LUZP2: variants seen among roughly 807,000 people sequenced by gnomAD.
LUZP2 encodes leucine zipper protein 2.
Under a neutral mutation model 51.6 loss-of-function variants are expected in LUZP2, and 52 were observed. The ratio of observed to expected loss-of-function variants is 1.01; its 90% CI spans 0.81 to 1.27. The LOEUF (loss-of-function observed/expected upper bound fraction) is 1.27, where lower values mean the gene tolerates loss of function less well. Ranked by LOEUF, LUZP2 falls within the 50% of genes most tolerant of loss-of-function variation. LUZP2 has a pLI of 0.00. For missense variants in LUZP2, 436 were observed against 395.4 expected (o/e 1.10, Z -0.87); for synonymous variants, 154 against 137.3 (o/e 1.12, Z -0.85).
intron 1 of LUZP2, among the ~76,000 whole-genome samples, chr11:24,561,260 C>T (rs543476502): frequency 6.6e-6 from 1 of 152,074 alleles, no homozygotes; most frequent in African/African-American, 2.4e-5. Context: ...ATAATAATTG[C>T]AGGTATCATA....
At chr11:24,837,946 C>T (rs1464603027) in intron 5 of LUZP2, among the ~76,000 whole-genome samples, 1 of 151,626 alleles carries the variant, frequency 6.6e-6, no homozygotes, top group East Asian at 1.9e-4. Flanking sequence ...CAAATGGTTG[C>T]ATGATTATTC....
At chr11:24,668,511 T>C (rs1052272224) in intron 1 of LUZP2, among the ~76,000 whole-genome samples, 2 of 152,176 alleles carry the variant, frequency 1.3e-5, no homozygotes, top group Non-Finnish European at 2.9e-5. Flanking sequence ...GAATACCATT[T>C]TACTCCACTA....
chr11:24,993,691 T>C (rs1033541650), intron 9 of LUZP2, among the ~76,000 whole-genome samples: 6 of 152,206 alleles, frequency 3.9e-5, no homozygotes, highest in Non-Finnish European at 5.9e-5. Context: ...ACATCAATAA[T>C]ACTACATCCT....
intron 7 of LUZP2, among the ~76,000 whole-genome samples, chr11:24,956,460 G>A (rs977710845): frequency 2.6e-5 from 4 of 152,116 alleles, no homozygotes; most frequent in African/African-American, 9.7e-5. Flanking sequence ...GCAGCCATAG[G>A]AAACTAATAT....
At chr11:24,699,383 T>C (rs1269564251) in intron 1 of LUZP2, among the ~76,000 whole-genome samples, 2 of 152,178 alleles carry the variant, frequency 1.3e-5, no homozygotes, top group Non-Finnish European at 2.9e-5. Flanking sequence ...AATTCACATT[T>C]TTCATGAACT....
At position 24,642,090 on chromosome 11, in the gene LUZP2, A is replaced by G. The variant is rs1185065370; in HGVS notation, c.63-87079A>G. Among the ~76,000 whole-genome samples, 3 of 151,656 alleles carry G rather than the reference A, an allele frequency of 2.0e-5. No homozygotes were observed. In the South Asian group the frequency reaches 6.2e-4, roughly 31 times the overall value. On this transcript the variant is annotated intron_variant, in intron 1 of 11. Coordinates refer to ENST00000336930, the MANE Select transcript of LUZP2 (RefSeq NM_001009909.4). Reference sequence around the variant, plus strand: ...TTTTTAGTAGAGACGAGGTTTCACTATGTTGGTCAGGATGGTCTCGATCTC... The same window carrying G: ...TTTTTAGTAGAGACGAGGTTTCACTGTGTTGGTCAGGATGGTCTCGATCTC...
In LUZP2 at chr11:24,914,455, A is replaced by T. The variant is rs911234775; in HGVS notation, c.460-21A>T. The stretch of plus-strand genomic sequence containing the variant: ...AAAATATAAATGAGTTACACAACTT[A>T]TCCATGTTTTTGCCTTACAGTCAAA... On this transcript the variant is annotated intron_variant, in intron 6 of 11. Coordinates refer to ENST00000336930, the MANE Select transcript of LUZP2 (RefSeq NM_001009909.4). The T allele has an allele frequency of 4.5e-6, 7 of 1,560,828 alleles. No homozygotes were observed. In the African/African-American group the frequency reaches 9.6e-5, roughly 21 times the overall value.
intron 7 of LUZP2, among the ~76,000 whole-genome samples, chr11:24,927,133 T>A (rs992788360): frequency 6.6e-6 from 1 of 151,794 alleles, no homozygotes; most frequent in Non-Finnish European, 1.5e-5. Flanking sequence ...TTGTTTGAGT[T>A]CCTCATAGAT....
chr11:24,785,372 A>G (rs1371629979), intron 5 of LUZP2, among the ~76,000 whole-genome samples: 3 of 152,052 alleles, frequency 2.0e-5, no homozygotes, highest in East Asian at 1.9e-4. Context: ...TTTATGATTA[A>G]TGGTGTGTTA....
chr11:24,967,525 G>T (rs1467130012), intron 7 of LUZP2, among the ~76,000 whole-genome samples: 1 of 151,342 alleles, frequency 6.6e-6, no homozygotes, highest in Non-Finnish European at 1.5e-5. Context: ...TGTTGAAGTG[G>T]TTAATATTAT....
intron 9 of LUZP2, among the ~76,000 whole-genome samples, chr11:24,989,451 T>G (rs758571210): frequency 6.6e-5 from 10 of 152,094 alleles, no homozygotes; most frequent in Non-Finnish European, 1.0e-4. Context: ...CATTATTTAT[T>G]TTGTTTAATA....
intron 8 of LUZP2, among the ~76,000 whole-genome samples, chr11:24,978,989 C>A (rs1451353504): frequency 1.3e-5 from 2 of 151,654 alleles, no homozygotes; most frequent in African/African-American, 4.8e-5. Context: ...ATAATGGTCT[C>A]CAGAGATAGT....
intron 4 of LUZP2, among the ~76,000 whole-genome samples, chr11:24,743,914 T>C (rs1157753178): frequency 2.6e-5 from 4 of 152,062 alleles, no homozygotes; most frequent in Non-Finnish European, 5.9e-5. Context: ...ACGCTGGGTT[T>C]TGGAGAATGC....
chr11:25,063,943 T>C (rs1162899338), intron 10 of LUZP2, among the ~76,000 whole-genome samples: 1 of 151,768 alleles, frequency 6.6e-6, no homozygotes, highest in Non-Finnish European at 1.5e-5. Context: ...AGACTCAATA[T>C]TAAACTTTCT....
chr11:24,820,503 G>C (rs1360071890), intron 5 of LUZP2, among the ~76,000 whole-genome samples: 1 of 152,084 alleles, frequency 6.6e-6, no homozygotes, highest in African/African-American at 2.4e-5. Context: ...CCCTTGTTTA[G>C]ATTTGTTTTA....
intron 5 of LUZP2, among the ~76,000 whole-genome samples, chr11:24,825,142 C>T (rs1385784786): frequency 6.6e-6 from 1 of 152,072 alleles, no homozygotes; most frequent in Non-Finnish European, 1.5e-5. Context: ...TCTAAGGTGA[C>T]ATCTAGTTTT....
In LUZP2 at chr11:24,996,655, C is replaced by T. The variant is rs550054650; in HGVS notation, c.765+13362C>T. Reference sequence around the variant, plus strand: ...TTATTATACTTTAAGTTTTAGGGTGCATGTGCACAATGTGAAGGTTAGTTA... The same window carrying T: ...TTATTATACTTTAAGTTTTAGGGTGTATGTGCACAATGTGAAGGTTAGTTA... On this transcript the variant is annotated intron_variant, in intron 9 of 11. Coordinates refer to ENST00000336930, the MANE Select transcript of LUZP2 (RefSeq NM_001009909.4). Among the ~76,000 whole-genome samples the T allele has an allele frequency of 4.4e-3, 632 of 142,376 alleles. 4 individuals are homozygous for T. Among genetic ancestry groups the T allele is most frequent in the African/African-American group, 0.016 (569 of 35,760 alleles). The allele number at this position is 142,376 out of a possible 152,430, so 93.4% of individuals were successfully genotyped here. A position where few individuals can be genotyped will look rare whatever the true frequency, so the allele number is the denominator to read the frequency against.
intron 1 of LUZP2, among the ~76,000 whole-genome samples, chr11:24,625,753 G>A (rs897137421): frequency 5.3e-5 from 8 of 151,236 alleles, no homozygotes; most frequent in African/African-American, 1.7e-4. Flanking sequence ...CAGAATCACA[G>A]CCTTCAATTG....
intron 7 of LUZP2, among the ~76,000 whole-genome samples, chr11:24,967,822 G>A (rs1341859999): frequency 2.0e-5 from 3 of 151,846 alleles, no homozygotes; most frequent in Admixed American, 2.0e-4. Flanking sequence ...GTGTTTTTCT[G>A]CTATATTCAA....
Sources: gnomAD v4.1 joint callset for allele counts (sites outside exome capture counted in the v4.1 genomes callset) on GRCh38, gnomAD v4.1.1 for gene constraint, MANE v1.5 for transcripts, NCBI Gene and HGNC (gene_info 2026-07-23, HGNC 2026-07-21) for gene names.